The following PINX1 variants were observed in gnomAD, a reference collection of about 807,000 sequenced individuals.
The protein encoded by PINX1 is PIN2 (TERF1) interacting telomerase inhibitor 1.
In PINX1, 34 loss-of-function variants were observed where a neutral mutation model predicts 25.4. The ratio of observed to expected loss-of-function variants is 1.34; its 90% CI spans 1.02 to 1.78. The LOEUF is 1.78. Ranked by LOEUF, PINX1 falls within the 40% of genes most tolerant of loss-of-function variation. The probability of loss-of-function intolerance (pLI) is 0.00; values close to 1 mark genes in which losing one functional copy is unlikely to be tolerated. For missense variants in PINX1, 592 were observed against 404.9 expected (o/e 1.46, Z -3.97); for synonymous variants, 197 against 147.7 (o/e 1.33, Z -2.42).
intron 6 of PINX1, among the ~76,000 whole-genome samples, chr8:10,769,334 C>G (rs1424374272): frequency 6.6e-6 from 1 of 152,174 alleles, no homozygotes; most frequent in East Asian, 1.9e-4. Flanking sequence ...GCCTCACAGT[C>G]CTCTCCCTTC....
At chr8:10,834,856 G>A in intron 1 of PINX1, 81 bp from the exon 2 acceptor site, 1 of 889,972 alleles carries the variant, frequency 1.1e-6, no homozygotes, top group Non-Finnish European at 1.8e-6. Context: ...GCACAACTTT[G>A]TGTATTTTAT....
intron 6 of PINX1, among the ~76,000 whole-genome samples, chr8:10,799,327 C>A (rs1355171346): frequency 2.6e-5 from 4 of 152,142 alleles, no homozygotes; most frequent in African/African-American, 9.7e-5. Context: ...TGTGTTCATG[C>A]TTCACGTGTT....
At chr8:10,804,253 G>A (rs1294770333) in intron 6 of PINX1, among the ~76,000 whole-genome samples, 6 of 152,306 alleles carry the variant, frequency 3.9e-5, no homozygotes, top group South Asian at 4.2e-4. Context: ...GCCGCCGGGG[G>A]CAGTGACTCT....
chr8:10,765,679 C>T lies in PINX1; in HGVS notation c.709G>A (p.Glu237Lys), dbSNP rs1463872800. ...YLQPKAKRHT[E>K]GKPERAEAQE... ...GCCTCGGCCCTCTCGGGCTTTCCCT[C>T]CGTGTGCCTCTTGGCCTTAGGCTGG... Residue 237 changes from glutamate (E) to lysine (K), a missense_variant, in exon 7 of 7, where the codon GAG (glutamate) becomes AAG (lysine). By Grantham distance (56) the Glu-to-Lys change is moderately conservative (BLOSUM62 1). Coordinates refer to ENST00000314787, the MANE Select transcript of PINX1 (RefSeq NM_017884.6). 1 of 1,614,044 alleles carries T rather than the reference C, an allele frequency of 6.2e-7. No individual in the cohort carries two copies. Among genetic ancestry groups the T allele is most frequent in the South Asian group, 1.1e-5 (1 of 91,082 alleles).
At chr8:10,817,291 G>T (rs180683059) in intron 6 of PINX1, among the ~76,000 whole-genome samples, 1 of 152,190 alleles carries the variant, frequency 6.6e-6, no homozygotes, top group African/African-American at 2.4e-5. Flanking sequence ...ACGGAGCTAT[G>T]AGAGTCAAGC....
intron 6 of PINX1, among the ~76,000 whole-genome samples, chr8:10,809,098 T>C (rs1477485223): frequency 6.6e-6 from 1 of 152,190 alleles, no homozygotes; most frequent in African/African-American, 2.4e-5. Flanking sequence ...GGTATGATGG[T>C]TTATTTCAGC....
intron 6 of PINX1, among the ~76,000 whole-genome samples, chr8:10,818,094 C>T (rs1405526453): frequency 2.6e-5 from 4 of 152,110 alleles, no homozygotes; most frequent in Admixed American, 1.3e-4. Context: ...TGGCTACAGA[C>T]GGAGAGCAGG....
chr8:10,773,528 T>C (rs535570839), intron 6 of PINX1, among the ~76,000 whole-genome samples: 32 of 152,308 alleles, frequency 2.1e-4, no homozygotes, highest in Admixed American at 7.2e-4. Flanking sequence ...ACACCGGACA[T>C]TGGAGAAGAT....
At position 10,831,730 on chromosome 8, in the gene PINX1, G is replaced by T; in HGVS notation, c.236C>A (p.Ala79Asp). Residue 79 changes from alanine (A) to aspartate (D), a missense_variant, in exon 4 of 7, where the codon GCC becomes GAC. Physicochemically the swap from Ala to Asp is moderately radical, Grantham distance 126. Coordinates refer to ENST00000314787, the MANE Select transcript of PINX1 (RefSeq NM_017884.6). ...AAGCTGGTTAAAATCATCCTGATGG[G>T]CAATCCAGTTGTCCTGAAAATATCA... is the stretch of plus-strand genomic sequence containing the variant. Reference protein sequence around the residue: ...ATINNEDNWIAHQDDFNQLLA... With the variant: ...ATINNEDNWIDHQDDFNQLLA... The T allele has an allele frequency of 6.3e-7, 1 of 1,590,260 alleles. No homozygotes were observed. Among genetic ancestry groups the T allele is most frequent in the Non-Finnish European group, 8.6e-7 (1 of 1,164,776 alleles).
At chr8:10,835,232 A>G (rs1798366674) in intron 1 of PINX1, among the ~76,000 whole-genome samples, 2 of 152,238 alleles carry the variant, frequency 1.3e-5, no homozygotes, top group African/African-American at 4.8e-5. Flanking sequence ...CAATTATTCA[A>G]CCTGAGACCT....
chr8:10,835,081 G>A (rs7003610), intron 1 of PINX1, among the ~76,000 whole-genome samples: 103 of 152,290 alleles, frequency 6.8e-4, no homozygotes, highest in Middle Eastern at 3.4e-3. Flanking sequence ...TCCGCCATCA[G>A]CACAACTGAA....
chr8:10,766,559 T>C (rs1192222065), intron 6 of PINX1, among the ~76,000 whole-genome samples: 1 of 152,214 alleles, frequency 6.6e-6, no homozygotes, highest in Non-Finnish European at 1.5e-5. Context: ...GCCTCCTCCC[T>C]GAACCAACAG....
intron 6 of PINX1, among the ~76,000 whole-genome samples, chr8:10,772,862 G>A (rs1801271989): frequency 4.6e-5 from 7 of 152,106 alleles, no homozygotes; most frequent in Admixed American, 4.6e-4. Flanking sequence ...ACTCTGCAGG[G>A]GTTCCAGAGG....
At chr8:10,782,465 G>C (rs1280150107) in intron 6 of PINX1, among the ~76,000 whole-genome samples, 1 of 151,880 alleles carries the variant, frequency 6.6e-6, no homozygotes, top group Non-Finnish European at 1.5e-5. Flanking sequence ...GCCAGGCGCA[G>C]TGGCTCACGC....
intron 6 of PINX1, among the ~76,000 whole-genome samples, chr8:10,794,623 C>T (rs955316281): frequency 4.6e-5 from 7 of 152,078 alleles, no homozygotes; most frequent in Non-Finnish European, 8.8e-5. Flanking sequence ...GACGGGGTTT[C>T]ACCATGTTGA....
intron 4 of PINX1, among the ~76,000 whole-genome samples, chr8:10,829,163 GTAATCCCAGC>G (rs1374468539): frequency 2.0e-5 from 3 of 151,858 alleles, no homozygotes; most frequent in Non-Finnish European, 4.4e-5. Flanking sequence ...GTGTGCACCT[GTAATCCCAGC>G]TACTCAGGAG....
rs756445721 is a variant in PINX1 at position 10,832,937 on chromosome 8, T to G, written c.177A>C (p.Gln59His). 1.9e-6 allele frequency: 3 copies of G among 1,612,504 alleles called. No individual in the cohort carries two copies. The highest frequency in any genetic ancestry group is 2.2e-5 in the East Asian group (1 of 44,870). Residue 59 changes from glutamine to histidine, a missense_variant, in exon 3 of 7, where the codon CAA becomes CAC. Gln to His is a conservative substitution (Grantham distance 24, BLOSUM62 0). Transcript: ENST00000314787. ...EQGATDHIKV[Q>H]VKNNHLGLGA... ...CGAGTCCCAGGTGGTTATTTTTCAC[T>G]TGAACTTTAATATGATCTGTGGCTC...
rs72549116 is a variant in PINX1 at position 10,765,387 on chromosome 8, C to A, written c.*14G>T. ...TGACAGCTGAGTGGTCGGAAGGCCC[C>A]GGCTGGGAAGGATTCATTTGGAATC... On this transcript the variant is annotated 3_prime_UTR_variant, in exon 7 of 7. Coordinates refer to ENST00000314787, the MANE Select transcript of PINX1 (RefSeq NM_017884.6). 6 of 1,575,436 alleles carry A rather than the reference C, an allele frequency of 3.8e-6. No homozygotes were observed. The highest frequency in any genetic ancestry group is 2.7e-5 in the African/African-American group (2 of 74,114).
In PINX1 at chr8:10,808,754, AT is replaced by A. The variant is rs138018765; in HGVS notation, c.471+11438del. On this transcript the variant is annotated intron_variant, in intron 6 of 6. Coordinates refer to ENST00000314787, the MANE Select transcript of PINX1 (RefSeq NM_017884.6). ...GGGAAAAACAATCTGATTTTCACCT[AT>A]TGGTAAACCTAGATAGTCAAAACCA... 8.7e-3 allele frequency among the ~76,000 whole-genome samples: 1,324 copies of A among 152,336 alleles called. 11 individuals are homozygous for A. Among genetic ancestry groups the A allele is most frequent in the Non-Finnish European group, 0.014 (951 of 68,022 alleles).
Sources: allele counts gnomAD v4.1 joint callset (sites outside exome capture counted in the v4.1 genomes callset), GRCh38; gene constraint gnomAD v4.1.1; transcripts MANE v1.5; gene names NCBI Gene and HGNC (gene_info 2026-07-23, HGNC 2026-07-21).